ZNF680: variants seen among roughly 807,000 people sequenced by gnomAD.
The protein encoded by ZNF680 is hypothetical protein FLJ90430.
ZNF680 carries 6 observed loss-of-function variants against 12.1 expected under a neutral mutation model. That is an observed-to-expected ratio of 0.49 (90% CI 0.27 to 0.98). The LOEUF (loss-of-function observed/expected upper bound fraction) is 0.98. Among genes scored for constraint, ZNF680 ranks in the 50% least tolerant of loss-of-function variants. The pLI, the probability that ZNF680 is intolerant of heterozygous loss-of-function variation, is 0.12. For missense variants in ZNF680, 561 were observed against 616.3 expected, an observed-to-expected ratio of 0.91 and a Z score of 0.95; for synonymous variants, 170 against 199.3, an observed-to-expected ratio of 0.85 and a Z score of 1.24.
chr7:64,532,864 T>C (rs1188388714), intron 3 of ZNF680, among the ~76,000 whole-genome samples: 2 of 152,134 alleles, frequency 1.3e-5, no homozygotes, highest in African/African-American at 4.8e-5. Flanking sequence ...GCAGAGATGG[T>C]TTAATATATG....
intron 3 of ZNF680, among the ~76,000 whole-genome samples, chr7:64,530,398 A>G (rs1785796506): frequency 6.6e-6 from 1 of 152,234 alleles, no homozygotes; most frequent in Admixed American, 6.5e-5. Flanking sequence ...TTAACCAACC[A>G]TCTGATGCCT....
chr7:64,518,790 A>G (rs1052120329), downstream of ZNF680, among the ~76,000 whole-genome samples: 2 of 151,978 alleles, frequency 1.3e-5, no homozygotes, highest in Admixed American at 6.6e-5. Flanking sequence ...AGCAAGCCAC[A>G]TGTAGAAGAA....
chr7:64,516,505 A>G (rs868060980), downstream of ZNF680, among the ~76,000 whole-genome samples: 2 of 152,320 alleles, frequency 1.3e-5, no homozygotes, highest in South Asian at 2.1e-4. Flanking sequence ...AAATAGACAG[A>G]AACATAATAA....
chr7:64,559,566 T>C (rs567144577), intron 1 of ZNF680, among the ~76,000 whole-genome samples: 2 of 152,020 alleles, frequency 1.3e-5, no homozygotes, highest in East Asian at 3.9e-4. Context: ...CTGCAACCTC[T>C]ACCTCCTGGG....
the ZNF680 span, among the ~76,000 whole-genome samples, chr7:64,507,666 T>C: frequency 6.6e-6 from 1 of 152,002 alleles, no homozygotes; most frequent in African/African-American, 2.4e-5. Context: ...CCATATTATA[T>C]AGGTATATTA....
chr7:64,503,726 T>C, the ZNF680 span, among the ~76,000 whole-genome samples: 1 of 152,272 alleles, frequency 6.6e-6, no homozygotes, highest in South Asian at 2.1e-4. Context: ...CTTTCAGGGA[T>C]TGTATCTTCT....
chr7:64,551,608 A>T (rs73130774), intron 1 of ZNF680: 34,418 of 152,644 alleles, frequency 0.23, 4,067 homozygotes, highest in South Asian at 0.28. Context: ...TCTATTTATA[A>T]TGGTGACATG....
chr7:64,522,303 T>C lies in ZNF680; in HGVS notation c.451A>G (p.Ser151Gly). The change falls in exon 4 of 4, where the codon AGC (serine) becomes GGC (glycine). Residue 151 changes from serine (S) to glycine (G), a missense_variant. Transcript: ENST00000309683. ...ELNQCLRTTQ[S>G]KIFQCDKYVK... ...TATTTATCACATTGAAATATTTTGC[T>C]CTGGGTAGTTCTCAAACATTGGTTA... The C allele has an allele frequency of 6.2e-7, 1 of 1,613,084 alleles. No individual in the cohort carries two copies. Among genetic ancestry groups the C allele is most frequent in the Admixed American group, 1.7e-5 (1 of 59,922 alleles).
intron 3 of ZNF680, chr7:64,524,913 C>T (rs1231950511): frequency 6.6e-6 from 1 of 151,708 alleles, no homozygotes; most frequent in Non-Finnish European, 1.5e-5. Flanking sequence ...AAACAATACA[C>T]TCTTGAGCAT....
chr7:64,518,431 C>T (rs1359541608), downstream of ZNF680, among the ~76,000 whole-genome samples: 4 of 151,920 alleles, frequency 2.6e-5, no homozygotes, highest in African/African-American at 2.4e-5. Flanking sequence ...ACGACACAAA[C>T]GAATGGAAAC....
At chr7:64,554,028 G>A (rs369586422) in intron 1 of ZNF680, among the ~76,000 whole-genome samples, 4 of 151,784 alleles carry the variant, frequency 2.6e-5, no homozygotes, top group South Asian at 2.1e-4. Context: ...AGTGAGGAGC[G>A]TCTCTGCCTG....
chr7:64,544,260 A>T, intron 2 of ZNF680, 46 bp downstream of exon 2: 7 of 1,564,598 alleles, frequency 4.5e-6, no homozygotes, highest in Non-Finnish European at 6.0e-6. Context: ...AAGAGAAATA[A>T]AACCTTTAGG....
intron 3 of ZNF680, among the ~76,000 whole-genome samples, chr7:64,523,696 G>A (rs1051061823): frequency 8.2e-4 from 125 of 151,926 alleles, no homozygotes; most frequent in African/African-American, 2.9e-3. Flanking sequence ...GGCGGATCAC[G>A]AGGTCAGAAG....
At chr7:64,517,447 C>A (rs1342643718), downstream of ZNF680, among the ~76,000 whole-genome samples, 5 of 151,926 alleles carry the variant, frequency 3.3e-5, no homozygotes, top group South Asian at 2.1e-4. Flanking sequence ...AGATTAAAAT[C>A]GTAATTTAAA....
chr7:64,536,465 G>A (rs116517045), intron 3 of ZNF680, among the ~76,000 whole-genome samples: 3 of 152,272 alleles, frequency 2.0e-5, no homozygotes, highest in African/African-American at 4.8e-5. Flanking sequence ...AAGGAAACAC[G>A]TTCTTTTAAT....
chr7:64,555,002 A>T (rs545450478), intron 1 of ZNF680, among the ~76,000 whole-genome samples: 232 of 151,928 alleles, frequency 1.5e-3, no homozygotes, highest in African/African-American at 5.0e-3. Context: ...AAAAAAATTA[A>T]AAAAAAAATC....
At chr7:64,547,462 G>A (rs755146420) in intron 1 of ZNF680, among the ~76,000 whole-genome samples, 12 of 152,188 alleles carry the variant, frequency 7.9e-5, no homozygotes, top group South Asian at 2.1e-4. Context: ...CTAGCGTAAC[G>A]TTTATTAAGC....
At chr7:64,554,103 C>G (rs375801249) in intron 1 of ZNF680, among the ~76,000 whole-genome samples, 2 of 148,510 alleles carry the variant, frequency 1.3e-5, no homozygotes, top group African/African-American at 2.5e-5. Context: ...AAGTGAGGAG[C>G]GCCTCTTCCC....
At chr7:64,540,554 C>T (rs190726221) in intron 3 of ZNF680, among the ~76,000 whole-genome samples, 177 of 152,228 alleles carry the variant, frequency 1.2e-3, no homozygotes, top group Middle Eastern at 6.8e-3. Context: ...CCACCTGCCT[C>T]GGGCTCCCAA....
Sources: gnomAD v4.1 joint callset for allele counts (sites outside exome capture counted in the v4.1 genomes callset) on GRCh38, gnomAD v4.1.1 for gene constraint, MANE v1.5 for transcripts, NCBI Gene and HGNC (gene_info 2026-07-23, HGNC 2026-07-21) for gene names.